Variants in SELP observed in about 807,000 individuals in gnomAD.
SELP encodes the protein P-selectin.
SELP carries 92 observed loss-of-function variants against 104.1 expected under a neutral mutation model. The ratio of observed to expected loss-of-function variants is 0.88; its 90% CI spans 0.75 to 1.05. The LOEUF (loss-of-function observed/expected upper bound fraction) is 1.05, where lower values mean the gene tolerates loss of function less well. Among genes scored for constraint, SELP ranks in the 50% least tolerant of loss-of-function variants. The pLI, the probability that SELP is intolerant of heterozygous loss-of-function variation, is 0.00. For missense variants in SELP, 1,022 were observed against 1,017.3 expected (o/e 1.00, Z -0.06); for synonymous variants, 397 against 364.5 (o/e 1.09, Z -1.01).
chr1:169,604,802 T>A (rs1042754148), intron 9 of SELP, among the ~76,000 whole-genome samples: 2 of 152,276 alleles, frequency 1.3e-5, no homozygotes, highest in Non-Finnish European at 2.9e-5. Flanking sequence ...CAGAACCCAT[T>A]TCCAGCTCTT....
intron 1 of SELP, among the ~76,000 whole-genome samples, chr1:169,620,142 A>T (rs1571673809): frequency 6.6e-6 from 1 of 152,122 alleles, no homozygotes; most frequent in African/African-American, 2.4e-5. Context: ...CGGGAGGCGG[A>T]GGTTGCAGTG....
rs919505695 is a variant in SELP, at chr1:169,612,526, T to C, written c.776-124A>G. On this transcript the variant is annotated intron_variant, in intron 5 of 16. Transcript: ENST00000263686. ...TGGCAGGCAGGTTGATGCACTAGAA[T>C]GGTTAAATGGTGTTTTCAATAGCTG... 21 of 806,436 alleles carry C rather than the reference T, an allele frequency of 2.6e-5. No individual in the cohort carries two copies. In the African/African-American group the frequency reaches 3.3e-4, roughly 12 times the overall value. 50.0% of individuals were successfully genotyped at this position (806,436 alleles called of 1,614,324 possible).
In SELP at chr1:169,620,514, A is replaced by G. The variant is rs190616961; in HGVS notation, c.4-1295T>C. 6.0e-3 allele frequency among the ~76,000 whole-genome samples: 918 copies of G among 152,166 alleles called. 8 individuals carry two copies. The highest frequency in any genetic ancestry group is 0.021 in the African/African-American group (886 of 41,504). ...CATCAGTTCCCCTCTAAAGCCACTC[A>G]ACATTACTATCAACATAAAAACAGT... On this transcript the variant is annotated intron_variant, in intron 1 of 16. Transcript: ENST00000263686.
At chr1:169,600,003 C>T (rs1661819306) in intron 10 of SELP, among the ~76,000 whole-genome samples, 2 of 152,114 alleles carry the variant, frequency 1.3e-5, no homozygotes, top group Admixed American at 6.6e-5. Flanking sequence ...TGAAAGTGGT[C>T]CAACAGGCAG....
intron 2 of SELP, 103 bp from the exon 3 acceptor site, chr1:169,617,517 C>T (rs1165412429): frequency 5.1e-6 from 6 of 1,172,652 alleles, no homozygotes; most frequent in African/African-American, 4.6e-5. Context: ...CCGACCAGAA[C>T]ATTAATACAC....
intron 12 of SELP, 74 bp from the exon 13 acceptor site, chr1:169,594,951 C>G: frequency 3.8e-6 from 5 of 1,331,084 alleles, no homozygotes; most frequent in Non-Finnish European, 5.2e-6. Flanking sequence ...TCTTTTGTAA[C>G]CTAACATTGC....
intron 14 of SELP, among the ~76,000 whole-genome samples, chr1:169,592,818 C>T (rs1197046237): frequency 1.3e-5 from 2 of 152,122 alleles, no homozygotes; most frequent in African/African-American, 4.8e-5. Flanking sequence ...TTCTTCTGCC[C>T]CTAACTTCAT....
chr1:169,619,840 T>A (rs1033864955), intron 1 of SELP, among the ~76,000 whole-genome samples: 3 of 152,216 alleles, frequency 2.0e-5, no homozygotes, highest in Non-Finnish European at 4.4e-5. Flanking sequence ...TCCCCTTGGA[T>A]CTATAGCAAC....
intron 9 of SELP, among the ~76,000 whole-genome samples, chr1:169,603,636 A>C (rs1184861012): frequency 1.3e-5 from 2 of 152,202 alleles, no homozygotes; most frequent in Admixed American, 1.3e-4. Flanking sequence ...CCAGAAAACA[A>C]TGACAAATGA....
At chr1:169,623,497 T>A (rs1287056385) in intron 1 of SELP, among the ~76,000 whole-genome samples, 5 of 152,232 alleles carry the variant, frequency 3.3e-5, no homozygotes, top group Non-Finnish European at 5.9e-5. Context: ...GAACTTTTTT[T>A]AAGCAAAATT....
intron 13 of SELP, 138 bp downstream of exon 13, chr1:169,594,554 T>A: frequency 1.3e-6 from 1 of 762,920 alleles, no homozygotes; most frequent in Non-Finnish European, 2.1e-6. Context: ...TCTGCCTGAT[T>A]CATTGTGAAA....
chr1:169,613,488 T>C (rs1662649370), intron 4 of SELP, 98 bp downstream of exon 4: 1 of 894,036 alleles, frequency 1.1e-6, no homozygotes, highest in East Asian at 2.6e-5. Flanking sequence ...GCTGGTACCA[T>C]CCTATTCTCA....
intron 9 of SELP, among the ~76,000 whole-genome samples, chr1:169,606,603 C>G (rs1281725700): frequency 6.6e-6 from 1 of 151,758 alleles, no homozygotes; most frequent in Non-Finnish European, 1.5e-5. Context: ...AATTTTTTTC[C>G]CACCTGGTCT....
intron 10 of SELP, among the ~76,000 whole-genome samples, chr1:169,599,218 G>A (rs1218843216): frequency 6.6e-6 from 1 of 152,162 alleles, no homozygotes; most frequent in Non-Finnish European, 1.5e-5. Context: ...AACATGGGAT[G>A]AATGACATTT....
intron 1 of SELP, among the ~76,000 whole-genome samples, chr1:169,626,204 A>G (rs1663363894): frequency 6.6e-6 from 1 of 152,230 alleles, no homozygotes; most frequent in Non-Finnish European, 1.5e-5. Context: ...ATGGAGAGAA[A>G]AATACGAGCC....
intron 14 of SELP, 31 bp from the exon 15 acceptor site, chr1:169,591,487 A>G: frequency 7.1e-7 from 1 of 1,414,328 alleles, no homozygotes; most frequent in Non-Finnish European, 9.7e-7. Context: ...AGAATGAATG[A>G]TTAAAAAAAA....
chr1:169,593,645 C>T lies in SELP; in HGVS notation c.2367G>A (p.Gly789=), dbSNP rs1364742228. 1.2e-6 allele frequency: 2 copies of T among 1,613,308 alleles called. No homozygotes were observed. The highest frequency in any genetic ancestry group is 2.7e-5 in the African/African-American group (2 of 74,894). ...GCTTTCTTAGCAAAGCCAGGAGCGTCCCACCCATTATCAGACCTATCGTAG... is the reference window on the plus strand; with the variant it reads ...GCTTTCTTAGCAAAGCCAGGAGCGTTCCACCCATTATCAGACCTATCGTAG... ...VASTIGLIMG[G]TLLALLRKRF... Residue 789 remains glycine, a synonymous_variant, in exon 14 of 17, where the codon GGG becomes GGA. Coordinates refer to ENST00000263686, the MANE Select transcript of SELP (RefSeq NM_003005.4).
chr1:169,608,738 A>G (rs902597290), intron 8 of SELP, among the ~76,000 whole-genome samples: 3 of 152,116 alleles, frequency 2.0e-5, no homozygotes, highest in East Asian at 3.8e-4. Context: ...ATCAAGGTAT[A>G]CTTAGGAACC....
At chr1:169,599,795 C>A (rs1219409108) in intron 10 of SELP, among the ~76,000 whole-genome samples, 3 of 152,054 alleles carry the variant, frequency 2.0e-5, no homozygotes, top group Admixed American at 6.6e-5. Flanking sequence ...TTTTAGGGGG[C>A]ACCAGTTCAC....
Sources: gnomAD v4.1 joint callset for allele counts (sites outside exome capture counted in the v4.1 genomes callset) on GRCh38, gnomAD v4.1.1 for gene constraint, MANE v1.5 for transcripts, NCBI Gene and HGNC (gene_info 2026-07-23, HGNC 2026-07-21) for gene names.